The following LRRC4C variants were observed in gnomAD, a reference collection of about 807,000 sequenced individuals.
LRRC4C encodes the protein leucine rich repeat containing 4C.
A neutral mutation model predicts 33.6 loss-of-function variants in LRRC4C; 5 were observed. The observed-to-expected ratio is 0.15, with a 90% CI of 0.08 to 0.31. The LOEUF is 0.31. Ranked by LOEUF, LRRC4C falls within the 10% of genes least tolerant of loss-of-function variation. LRRC4C has a pLI of 1.00. For missense variants in LRRC4C, 560 were observed against 796.7 expected (o/e 0.70, Z 3.58); for synonymous variants, 329 against 302.0 (o/e 1.09, Z -0.93).
chr11:41,082,320 C>T lies in LRRC4C; in HGVS notation c.-495-148597G>A, dbSNP rs146978484. On this transcript the variant is annotated intron_variant, in intron 1 of 6. Coordinates refer to ENST00000528697, the MANE Select transcript of LRRC4C (RefSeq NM_001258419.2). Reference sequence around the variant, plus strand: ...ATACGCAGTTGCAAAAGCATTAACACAAAATTAGAGACTAGTTCAGAGGTT... The same window carrying T: ...ATACGCAGTTGCAAAAGCATTAACATAAAATTAGAGACTAGTTCAGAGGTT... Among the ~76,000 whole-genome samples the T allele has an allele frequency of 9.5e-3, 1,446 of 151,826 alleles. 22 individuals are homozygous for T. Among genetic ancestry groups the T allele is most frequent in the African/African-American group, 0.032 (1,319 of 41,408 alleles).
intron 1 of LRRC4C, among the ~76,000 whole-genome samples, chr11:41,296,038 C>T (rs1323653631): frequency 2.0e-5 from 3 of 152,186 alleles, no homozygotes; most frequent in Non-Finnish European, 4.4e-5. Flanking sequence ...TTATGGATCA[C>T]TCTCTTTCAG....
chr11:40,613,902 G>A (rs1375043061), intron 3 of LRRC4C, among the ~76,000 whole-genome samples: 1 of 151,838 alleles, frequency 6.6e-6, no homozygotes, highest in East Asian at 1.9e-4. Flanking sequence ...TTTCTGATCA[G>A]TAGGTCTCAA....
At chr11:41,320,094 C>G (rs1295344601) in intron 1 of LRRC4C, among the ~76,000 whole-genome samples, 1 of 152,054 alleles carries the variant, frequency 6.6e-6, no homozygotes, top group Non-Finnish European at 1.5e-5. Context: ...TTTTATTTAT[C>G]ATATGTACTC....
chr11:40,537,044 G>A (rs532716452), intron 3 of LRRC4C, among the ~76,000 whole-genome samples: 4 of 152,158 alleles, frequency 2.6e-5, no homozygotes, highest in Non-Finnish European at 5.9e-5. Flanking sequence ...CGTGTTTAAT[G>A]TGAGTGAACC....
chr11:41,140,404 G>T (rs138710560), intron 1 of LRRC4C, among the ~76,000 whole-genome samples: 5 of 116,104 alleles, frequency 4.3e-5, no homozygotes, highest in African/African-American at 1.5e-4. Flanking sequence ...CAAATGATTA[G>T]CTGAACTGTT....
intron 3 of LRRC4C, among the ~76,000 whole-genome samples, chr11:40,413,853 C>A (rs973290112): frequency 6.6e-6 from 1 of 152,002 alleles, no homozygotes; most frequent in South Asian, 2.1e-4. Context: ...GCCAAAACTA[C>A]GTTTGAATCA....
At chr11:40,972,733 GAAC>G (rs1851812919) in intron 1 of LRRC4C, among the ~76,000 whole-genome samples, 1 of 152,090 alleles carries the variant, frequency 6.6e-6, no homozygotes, top group Non-Finnish European at 1.5e-5. Context: ...GCTATCATGA[GAAC>G]AACATGGGGG....
At position 41,376,149 on chromosome 11, in the gene LRRC4C, T is replaced by A. The variant is rs368514366; in HGVS notation, c.-496+83282A>T. Among the ~76,000 whole-genome samples, 456 of 151,564 alleles carry A rather than the reference T, an allele frequency of 3.0e-3. 18 individuals carry two copies. In the East Asian group the frequency reaches 0.074, roughly 24 times the overall value. On this transcript the variant is annotated intron_variant, in intron 1 of 6. Transcript: ENST00000528697. ...ACTCTGTAGAGAAAGAAAAAAAAAA[T>A]AAACTCTAAAAATGAACTGAGTTCC...
chr11:40,171,986 C>T (rs1860085340), intron 5 of LRRC4C, among the ~76,000 whole-genome samples: 1 of 152,056 alleles, frequency 6.6e-6, no homozygotes, highest in African/African-American at 2.4e-5. Flanking sequence ...CACTGCACTC[C>T]GGCCTGGGCA....
chr11:40,273,015 A>G (rs1942822822), intron 4 of LRRC4C, among the ~76,000 whole-genome samples: 1 of 152,178 alleles, frequency 6.6e-6, no homozygotes, highest in South Asian at 2.1e-4. Flanking sequence ...AATTTAAAAC[A>G]CTGTGATAAT....
chr11:40,206,951 C>CACAAACAAACAA (rs369614534), intron 5 of LRRC4C, among the ~76,000 whole-genome samples: 2 of 151,846 alleles, frequency 1.3e-5, no homozygotes, highest in African/African-American at 4.8e-5. Context: ...TATGCACACT[C>CACAAACAAACAA]ACAAACAAAC....
chr11:40,954,414 A>G (rs999550242), intron 1 of LRRC4C, among the ~76,000 whole-genome samples: 1 of 151,884 alleles, frequency 6.6e-6, no homozygotes, highest in Non-Finnish European at 1.5e-5. Flanking sequence ...ATCCCTATGA[A>G]TCAGCCTTGA....
chr11:40,283,207 T>C (rs1316251055), intron 4 of LRRC4C, among the ~76,000 whole-genome samples: 4 of 152,178 alleles, frequency 2.6e-5, no homozygotes, highest in Admixed American at 6.5e-5. Context: ...AAAATATATT[T>C]AAAGAACTAT....
chr11:40,153,496 G>A (rs1858397593), intron 5 of LRRC4C, among the ~76,000 whole-genome samples: 1 of 152,006 alleles, frequency 6.6e-6, no homozygotes, highest in Non-Finnish European at 1.5e-5. Context: ...TAATCAGGGA[G>A]GGACCAGAGA....
intron 4 of LRRC4C, among the ~76,000 whole-genome samples, chr11:40,247,815 G>A (rs1396159798): frequency 6.6e-6 from 1 of 152,122 alleles, no homozygotes; most frequent in Non-Finnish European, 1.5e-5. Context: ...GAAAAGTTTG[G>A]AAGAATTAGC....
At position 40,114,911 on chromosome 11, in the gene LRRC4C, G is replaced by C; in HGVS notation, c.1382C>G (p.Thr461Ser). 6.2e-7 allele frequency: 1 copy of C among 1,614,206 alleles called. No individual in the cohort carries two copies. The change falls in exon 7 of 7, where the codon ACT becomes AGT. Residue 461 changes from threonine to serine, a missense_variant. Around this residue, in one of 3 missense-constraint regions of LRRC4C, gnomAD observed 455 missense variants for 643.8 expected, o/e 0.71. Transcript: ENST00000528697. ...FSYFSTVTVE[T>S]MEPSQDEART... is the part of the protein sequence containing the mutation. The stretch of plus-strand genomic sequence containing the variant: ...TGCCTCATCCTGAGACGGTTCCATA[G>C]TCTCTACTGTGACGGTTGAAAAGTA...
intron 1 of LRRC4C, among the ~76,000 whole-genome samples, chr11:41,085,559 C>A (rs752672038): frequency 1.3e-5 from 2 of 152,038 alleles, no homozygotes; most frequent in Non-Finnish European, 2.9e-5. Context: ...TCAAATAACT[C>A]AATGCCTAGT....
At chr11:40,681,529 T>A (rs915756880) in intron 2 of LRRC4C, among the ~76,000 whole-genome samples, 1 of 152,224 alleles carries the variant, frequency 6.6e-6, no homozygotes, top group Non-Finnish European at 1.5e-5. Context: ...GCTTTATTTA[T>A]GTAATATTTT....
chr11:40,454,151 T>C (rs1387207182), intron 3 of LRRC4C, among the ~76,000 whole-genome samples: 2 of 151,730 alleles, frequency 1.3e-5, no homozygotes, highest in African/African-American at 4.9e-5. Flanking sequence ...AATATAATTA[T>C]AAAATGACCA....
Sources: allele counts gnomAD v4.1 joint callset (sites outside exome capture counted in the v4.1 genomes callset), GRCh38; gene constraint gnomAD v4.1.1; regional missense constraint gnomAD v4.1.1; transcripts MANE v1.5; gene names NCBI Gene and HGNC (gene_info 2026-07-23, HGNC 2026-07-21).